The following CAMTA1 variants were observed in gnomAD, a reference collection of about 807,000 sequenced individuals.
The protein encoded by CAMTA1 is calmodulin binding transcription activator 1.
A neutral mutation model predicts 170.9 loss-of-function variants in CAMTA1; 27 were observed. The observed-to-expected ratio is 0.16, with a 90% CI of 0.12 to 0.22. CAMTA1 has a LOEUF of 0.22. Among genes scored for constraint, CAMTA1 ranks in the 10% least tolerant of loss-of-function variants. The pLI is 1.00. For missense variants in CAMTA1, 1,619 were observed against 2,217.2 expected, an observed-to-expected ratio of 0.73 and a Z score of 5.42; for synonymous variants, 833 against 891.5, an observed-to-expected ratio of 0.93 and a Z score of 1.17.
intron 4 of CAMTA1, among the ~76,000 whole-genome samples, chr1:7,148,060 CACAA>C (rs570522470): frequency 7.2e-4 from 108 of 150,228 alleles, no homozygotes; most frequent in South Asian, 5.7e-3. Context: ...CACGTATGCA[CACAA>C]ACACACACTC....
At chr1:7,470,187 C>T (rs568654550) in intron 6 of CAMTA1, among the ~76,000 whole-genome samples, 9 of 152,320 alleles carry the variant, frequency 5.9e-5, no homozygotes, top group African/African-American at 9.6e-5. Context: ...AAAGAGGGAG[C>T]GCACACAGGT....
intron 4 of CAMTA1, among the ~76,000 whole-genome samples, chr1:7,171,501 A>G (rs183564585): frequency 1.2e-4 from 18 of 152,330 alleles, no homozygotes; most frequent in Non-Finnish European, 2.6e-4. Context: ...CCAAGTGGTC[A>G]ACAAGTATTT....
chr1:7,075,355 G>A (rs1176344030), intron 3 of CAMTA1, among the ~76,000 whole-genome samples: 1 of 152,166 alleles, frequency 6.6e-6, no homozygotes, highest in African/African-American at 2.4e-5. Context: ...AGAAGTTTCA[G>A]GAAACAATGT....
At chr1:6,838,356 C>T (rs574456290) in intron 3 of CAMTA1, among the ~76,000 whole-genome samples, 10 of 152,276 alleles carry the variant, frequency 6.6e-5, no homozygotes, top group African/African-American at 2.4e-4. Context: ...GGTTCTTAAT[C>T]TCAGACTCAT....
intron 4 of CAMTA1, among the ~76,000 whole-genome samples, chr1:7,159,052 G>A (rs1647053859): frequency 6.6e-6 from 1 of 151,682 alleles, no homozygotes. Flanking sequence ...TGTATGAAGT[G>A]TTACGTACTA....
chr1:7,570,122 G>A lies in CAMTA1; in HGVS notation c.511-70278G>A, dbSNP rs1486904948. The stretch of plus-strand genomic sequence containing the variant: ...TCTTGCTTAATTCTACCGAGACCTT[G>A]GGTGGGAGATCAGGGATCCCTTGCT... On this transcript the variant is annotated intron_variant, in intron 6 of 22. Transcript: ENST00000303635. The surrounding 1 kb of genome is among the most constrained non-coding windows in gnomAD (Gnocchi z 4.3). Among the ~76,000 whole-genome samples, 1 of 152,092 alleles carries A rather than the reference G, an allele frequency of 6.6e-6. No individual in the cohort carries two copies. The highest frequency in any genetic ancestry group is 1.5e-5 in the Non-Finnish European group (1 of 68,010).
At chr1:7,012,766 G>C (rs1198084897) in intron 3 of CAMTA1, among the ~76,000 whole-genome samples, 1 of 151,992 alleles carries the variant, frequency 6.6e-6, no homozygotes, top group Non-Finnish European at 1.5e-5. Flanking sequence ...ATTCTGTCTT[G>C]CTCCTGGGCT....
chr1:7,527,120 A>G (rs757115899), intron 6 of CAMTA1, among the ~76,000 whole-genome samples: 4 of 152,176 alleles, frequency 2.6e-5, no homozygotes, highest in African/African-American at 4.8e-5. Context: ...GTGCATCCTG[A>G]GAAACTCAAA....
At chr1:6,926,774 A>C (rs1441825668) in intron 3 of CAMTA1, among the ~76,000 whole-genome samples, 6 of 145,912 alleles carry the variant, frequency 4.1e-5, no homozygotes, top group Admixed American at 2.8e-4. Flanking sequence ...TCTGTCACCC[A>C]GGCTGGAGTG....
At chr1:7,079,892 CTT>C (rs1639792170) in intron 3 of CAMTA1, among the ~76,000 whole-genome samples, 1 of 152,154 alleles carries the variant, frequency 6.6e-6, no homozygotes, top group South Asian at 2.1e-4. Flanking sequence ...AATGGGATCT[CTT>C]GAGTGCCGAA....
chr1:7,306,746 G>C (rs1675648059), intron 5 of CAMTA1, among the ~76,000 whole-genome samples: 1 of 151,816 alleles, frequency 6.6e-6, no homozygotes, highest in Admixed American at 6.6e-5. Flanking sequence ...CCTTTCCTAT[G>C]CTGAGTTTTC....
At position 7,766,471 on chromosome 1, in the gene CAMTA1, G is replaced by C; in HGVS notation, c.5002G>C (p.Glu1668Gln). 6.2e-7 allele frequency: 1 copy of C among 1,614,072 alleles called. No homozygotes were observed. Among genetic ancestry groups the C allele is most frequent in the Non-Finnish European group, 8.5e-7 (1 of 1,179,972 alleles). Reference protein sequence around the residue: ...HRLYKRSERIEKGQGT With the variant: ...HRLYKRSERIQKGQGT ...GTTTCTCTTCCAGAGTGAAAGAATT[G>C]AAAAAGGCCAAGGAACTTGAAGACA... Residue 1668 changes from glutamate (E) to glutamine (Q), a missense_variant, in exon 23 of 23, where the codon GAA (glutamate) becomes CAA (glutamine). Physicochemically the swap from Glu to Gln is conservative, Grantham distance 29. Around this residue, in one of 8 missense-constraint regions of CAMTA1, gnomAD observed 128 missense variants for 213.5 expected, o/e 0.60. Coordinates refer to ENST00000303635, the MANE Select transcript of CAMTA1 (RefSeq NM_015215.4).
intron 4 of CAMTA1, among the ~76,000 whole-genome samples, chr1:7,103,801 CAT>C (rs1643152087): frequency 6.7e-6 from 1 of 148,992 alleles, no homozygotes. Context: ...ATACAACGCA[CAT>C]ATACATACAA....
chr1:7,110,344 G>A (rs141693778), intron 4 of CAMTA1, among the ~76,000 whole-genome samples: 211 of 152,000 alleles, frequency 1.4e-3, no homozygotes, highest in Middle Eastern at 3.4e-3. Flanking sequence ...AATAGACATC[G>A]ATTTGCAATG....
In CAMTA1 at chr1:7,010,711, C is replaced by T. The variant is rs1047154211; in HGVS notation, c.235-80593C>T. Reference sequence around the variant, plus strand: ...GCTTGTATGGTTGGCTCTCCACACCCACCCTCACTGCCACCCCCAGCCCCA... The same window carrying T: ...GCTTGTATGGTTGGCTCTCCACACCTACCCTCACTGCCACCCCCAGCCCCA... On this transcript the variant is annotated intron_variant, in intron 3 of 22. Coordinates refer to ENST00000303635, the MANE Select transcript of CAMTA1 (RefSeq NM_015215.4). This position sits in a 1 kb window ranked among gnomAD's most constrained non-coding sequence, Gnocchi z 4.4. Among the ~76,000 whole-genome samples, 2 of 152,202 alleles carry T rather than the reference C, an allele frequency of 1.3e-5. No individual in the cohort carries two copies. The highest frequency in any genetic ancestry group is 2.4e-5 in the African/African-American group (1 of 41,458).
chr1:7,091,241 C>G, intron 3 of CAMTA1, 63 bp from the exon 4 acceptor site: 1 of 1,236,010 alleles, frequency 8.1e-7, no homozygotes, highest in Non-Finnish European at 1.2e-6. Flanking sequence ...CAAAAACTTT[C>G]TTACCTCTCA....
In CAMTA1 at chr1:6,995,115, T is replaced by A. The variant is rs1001625140; in HGVS notation, c.235-96189T>A. ...GGATATTTGACCTCATGTTTTTGTTTTTTTAAAAAAATAAATCACCAAGGC... is the reference window on the plus strand; with the variant it reads ...GGATATTTGACCTCATGTTTTTGTTATTTTAAAAAAATAAATCACCAAGGC... On this transcript the variant is annotated intron_variant, in intron 3 of 22. Transcript: ENST00000303635. Among the ~76,000 whole-genome samples, 16 of 152,174 alleles carry A rather than the reference T, an allele frequency of 1.1e-4. No homozygotes were observed. The East Asian group carries it at 2.9e-3, about 28-fold the overall frequency.
chr1:7,739,521 C>T (rs1294343283), intron 16 of CAMTA1, among the ~76,000 whole-genome samples: 1 of 152,164 alleles, frequency 6.6e-6, no homozygotes, highest in African/African-American at 2.4e-5. Flanking sequence ...ATACTCCAGA[C>T]TGGGGAATTT....
At chr1:7,717,127 C>T (rs762662138) in intron 11 of CAMTA1, among the ~76,000 whole-genome samples, 13 of 151,898 alleles carry the variant, frequency 8.6e-5, no homozygotes, top group African/African-American at 3.1e-4. Context: ...GGAATGGGGA[C>T]GTCGGGGAGA....
Sources: gnomAD v4.1 joint callset for allele counts (sites outside exome capture counted in the v4.1 genomes callset) on GRCh38, gnomAD v4.1.1 for gene constraint, gnomAD v4.1.1 regional missense constraint, Gnocchi (gnomAD v3.1) non-coding constraint, MANE v1.5 for transcripts, NCBI Gene and HGNC (gene_info 2026-07-23, HGNC 2026-07-21) for gene names.